Variants in ANK2 observed in about 807,000 individuals in gnomAD.
The protein encoded by ANK2 is ankyrin 2.
Under a neutral mutation model 360.5 loss-of-function variants are expected in ANK2, and 83 were observed. The observed-to-expected ratio is 0.23, with a 90% CI of 0.19 to 0.28. The LOEUF is 0.28. ANK2 is among the 10% of genes least tolerant of loss of function. ANK2 has a pLI of 1.00. For synonymous variants in ANK2, 1,740 were observed against 1,759.5 expected, an observed-to-expected ratio of 0.99 and a Z score of 0.28; for missense variants, 4,201 against 4,795.7, an observed-to-expected ratio of 0.88 and a Z score of 3.66.
At chr4:112,706,190 C>T in the ANK2 span, among the ~76,000 whole-genome samples, 1 of 151,918 alleles carries the variant, frequency 6.6e-6, no homozygotes, top group African/African-American at 2.4e-5. Flanking sequence ...GGGCCTCCAC[C>T]CCGCCGAACC....
chr4:112,812,338 A>T, the ANK2 span, among the ~76,000 whole-genome samples: 1 of 152,200 alleles, frequency 6.6e-6, no homozygotes, highest in Non-Finnish European at 1.5e-5. Context: ...ACACCAATAT[A>T]TTCAGTCTCA....
chr4:113,160,310 CT>C (rs2097479746), intron 1 of ANK2: 1 of 414,482 alleles, frequency 2.4e-6, no homozygotes, highest in African/African-American at 2.1e-5. Context: ...AAGTGATCCT[CT>C]TGCTTCAGCC....
In ANK2 at chr4:113,061,887, C is replaced by G. The variant is rs141508875; in HGVS notation, c.84+12075C>G. Among the ~76,000 whole-genome samples the G allele has an allele frequency of 4.4e-3, 669 of 152,100 alleles. 5 individuals carry two copies. The highest frequency in any genetic ancestry group is 0.014 in the African/African-American group (584 of 41,528). ...TTGTTTGTAGCACAAAGGATAAATG[C>G]TTGAAGTGATAGATACCCTGTTTAC... is the stretch of plus-strand genomic sequence containing the variant. On this transcript the variant is annotated intron_variant, in intron 1 of 45. Coordinates refer to ENST00000357077, the MANE Select transcript of ANK2 (RefSeq NM_001148.6).
intron 2 of ANK2, among the ~76,000 whole-genome samples, chr4:112,984,504 A>G (rs572904961): frequency 6.6e-5 from 10 of 152,310 alleles, no homozygotes; most frequent in African/African-American, 2.4e-4. Context: ...ACCTGCCCCC[A>G]TGATTCAATT....
At chr4:112,897,019 G>A (rs1319528871) in intron 1 of ANK2, among the ~76,000 whole-genome samples, 1 of 152,096 alleles carries the variant, frequency 6.6e-6, no homozygotes, top group Non-Finnish European at 1.5e-5. Context: ...TCCTTGTCCG[G>A]CGCACTCTCC....
chr4:113,369,038 C>T (rs2096637212), intron 42 of ANK2, among the ~76,000 whole-genome samples: 1 of 151,988 alleles, frequency 6.6e-6, no homozygotes, highest in Admixed American at 6.5e-5. Context: ...TTAAATAAAA[C>T]AGTTTTTCAG....
chr4:112,887,526 A>T (rs958107513), intron 1 of ANK2, among the ~76,000 whole-genome samples: 1 of 152,192 alleles, frequency 6.6e-6, no homozygotes, highest in Non-Finnish European at 1.5e-5. Flanking sequence ...AGCACTCAAT[A>T]ATTATTTTTG....
chr4:113,046,020 AG>A (rs2064258515), upstream of ANK2, among the ~76,000 whole-genome samples: 1 of 152,108 alleles, frequency 6.6e-6, no homozygotes, highest in Non-Finnish European at 1.5e-5. Flanking sequence ...GCCCTCAAGG[AG>A]CTTAGAGTCC....
At chr4:112,842,775 C>T (rs2062416620) in intron 1 of ANK2, among the ~76,000 whole-genome samples, 1 of 152,194 alleles carries the variant, frequency 6.6e-6, no homozygotes. Flanking sequence ...CTGCCTTAAT[C>T]TATTAAGCAA....
At chr4:113,148,836 A>C (rs1354712920) in intron 1 of ANK2, among the ~76,000 whole-genome samples, 1 of 152,212 alleles carries the variant, frequency 6.6e-6, no homozygotes, top group Non-Finnish European at 1.5e-5. Context: ...AAATGTAGTG[A>C]TCAAAGAAGA....
chr4:113,026,912 A>C (rs571400734), intron 2 of ANK2, among the ~76,000 whole-genome samples: 2 of 152,204 alleles, frequency 1.3e-5, no homozygotes, highest in Non-Finnish European at 2.9e-5. Context: ...GTTGGGATGG[A>C]AGCCAGACTG....
At chr4:113,067,040 T>A (rs674632) in intron 1 of ANK2, among the ~76,000 whole-genome samples, 130,169 of 151,838 alleles carry the variant, frequency 0.86, 56,093 homozygotes, top group African/African-American at 0.93. Context: ...CATTGGCAGG[T>A]GTAAGATGAC....
chr4:113,127,760 G>T (rs115515707), intron 1 of ANK2, among the ~76,000 whole-genome samples: 1 of 152,204 alleles, frequency 6.6e-6, no homozygotes, highest in African/African-American at 2.4e-5. Context: ...GGTATGGAAG[G>T]TTCCTGTGAT....
chr4:112,763,390 G>A, the ANK2 span, among the ~76,000 whole-genome samples: 9 of 151,710 alleles, frequency 5.9e-5, no homozygotes, highest in African/African-American at 1.9e-4. Flanking sequence ...CACCACGGCC[G>A]GATAATTTTT....
In ANK2 at chr4:113,341,934, A is replaced by G. The variant is rs201268741; in HGVS notation, c.4122+18A>G. 5.8e-5 allele frequency: 90 copies of G among 1,553,140 alleles called. 1 individual carries two copies. ...ATGTGGAGGTACTGTACCAAAAATA[A>G]TAATAATAATTTATGCCATGTTGTT... On this transcript the variant is annotated intron_variant, in intron 33 of 45. Transcript: ENST00000357077.
At chr4:113,235,653 T>G (rs72898071) in intron 5 of ANK2, among the ~76,000 whole-genome samples, 7 of 152,230 alleles carry the variant, frequency 4.6e-5, no homozygotes, top group African/African-American at 1.7e-4. Flanking sequence ...CAGGCTCATG[T>G]CGAACTCCTG....
At chr4:112,930,512 A>G (rs1223027679) in intron 2 of ANK2, among the ~76,000 whole-genome samples, 3 of 152,004 alleles carry the variant, frequency 2.0e-5, no homozygotes, top group East Asian at 3.9e-4. Flanking sequence ...CTACCCAGGC[A>G]GGGGAGTTAT....
chr4:113,041,684 A>G (rs2062992068), intron 2 of ANK2, among the ~76,000 whole-genome samples: 1 of 152,126 alleles, frequency 6.6e-6, no homozygotes, highest in South Asian at 2.1e-4. Context: ...TGGATACTAT[A>G]TTAGTTTAGG....
chr4:113,335,393 C>A (rs1309414557), intron 29 of ANK2, among the ~76,000 whole-genome samples: 1 of 152,158 alleles, frequency 6.6e-6, no homozygotes, highest in African/African-American at 2.4e-5. Flanking sequence ...ACCCAAAGGG[C>A]TATGTTACTT....
Sources: gnomAD v4.1 joint callset for allele counts (sites outside exome capture counted in the v4.1 genomes callset) on GRCh38, gnomAD v4.1.1 for gene constraint, MANE v1.5 for transcripts, NCBI Gene and HGNC (gene_info 2026-07-23, HGNC 2026-07-21) for gene names.